Variants in MAP2 observed in about 807,000 individuals in gnomAD.
The protein encoded by MAP2 is microtubule associated protein 2.
MAP2 carries 14 observed loss-of-function variants against 137.6 expected under a neutral mutation model. The observed-to-expected ratio is 0.10, with a 90% CI of 0.07 to 0.16. The LOEUF is 0.16. MAP2 is among the 10% of genes least tolerant of loss of function. The probability of loss-of-function intolerance (pLI) is 1.00; values close to 1 mark genes in which losing one functional copy is unlikely to be tolerated. For missense variants in MAP2, 2,088 were observed against 2,191.5 expected, an observed-to-expected ratio of 0.95 and a Z score of 0.94; for synonymous variants, 786 against 782.3, an observed-to-expected ratio of 1.00 and a Z score of -0.08.
At chr2:209,711,673 A>G (rs1471070245) in intron 13 of MAP2, among the ~76,000 whole-genome samples, 1 of 152,166 alleles carries the variant, frequency 6.6e-6, no homozygotes, top group African/African-American at 2.4e-5. Flanking sequence ...AGAAGGAAAT[A>G]TTTTGAGCTT....
intron 2 of MAP2, among the ~76,000 whole-genome samples, chr2:209,536,231 C>T (rs895000321): frequency 1.3e-5 from 2 of 152,112 alleles, no homozygotes; most frequent in Non-Finnish European, 2.9e-5. Context: ...TTATTTATGA[C>T]ATATGCAAAT....
At chr2:209,448,875 T>G (rs556063142) in intron 1 of MAP2, among the ~76,000 whole-genome samples, 1 of 152,164 alleles carries the variant, frequency 6.6e-6, no homozygotes, top group African/African-American at 2.4e-5. Flanking sequence ...AATTAAAGCA[T>G]GGACATATCT....
chr2:209,466,727 A>G (rs1254929430), intron 1 of MAP2, among the ~76,000 whole-genome samples: 2 of 152,222 alleles, frequency 1.3e-5, no homozygotes, highest in African/African-American at 4.8e-5. Context: ...AAAGATAGGG[A>G]AGGCATTTGT....
intron 4 of MAP2, among the ~76,000 whole-genome samples, chr2:209,648,552 C>A (rs1447455154): frequency 1.4e-5 from 2 of 145,932 alleles, no homozygotes; most frequent in East Asian, 4.0e-4. Flanking sequence ...CTCACATTAT[C>A]AAGCTAGGCT....
intron 4 of MAP2, among the ~76,000 whole-genome samples, chr2:209,651,764 T>C (rs965172810): frequency 1.3e-5 from 2 of 152,170 alleles, no homozygotes; most frequent in African/African-American, 2.4e-5. Context: ...TGCAGTCAAA[T>C]TGGCTTAAAT....
chr2:209,502,116 C>T (rs7590615), intron 1 of MAP2, among the ~76,000 whole-genome samples: 2,557 of 152,178 alleles, frequency 0.017, 70 homozygotes, highest in African/African-American at 0.057. Flanking sequence ...ACACCTGAAA[C>T]CTATTATTTT....
intron 2 of MAP2, among the ~76,000 whole-genome samples, chr2:209,528,856 GTATA>G (rs574399287): frequency 7.2e-6 from 1 of 139,702 alleles, no homozygotes; most frequent in African/African-American, 2.7e-5. Flanking sequence ...ATGTGTGTGT[GTATA>G]TGTGTGTGTA....
In MAP2 at chr2:209,733,458, CTCCACA is replaced by C. The variant is rs2076034185; in HGVS notation, c.*3062_*3067del. On this transcript the variant is annotated 3_prime_UTR_variant, in exon 16 of 16. Coordinates refer to ENST00000682079, the MANE Select transcript of MAP2 (RefSeq NM_001375505.1). Reference sequence around the variant, plus strand: ...AGAATGTACTGATTGTAGTGACCTTCTCCACACACACACACACACACACACACACAC... The same window carrying C: ...AGAATGTACTGATTGTAGTGACCTTCCACACACACACACACACACACACAC... 2.3e-5 allele frequency: 1 copy of C among 43,492 alleles called. No homozygotes were observed. Among genetic ancestry groups the C allele is most frequent in the African/African-American group, 7.5e-5 (1 of 13,274 alleles). The allele number at this position is 43,492 out of a possible 1,614,324, so 2.7% of individuals were successfully genotyped here.
At chr2:209,717,207 G>A (rs1007281396) in intron 13 of MAP2, among the ~76,000 whole-genome samples, 15 of 152,126 alleles carry the variant, frequency 9.9e-5, no homozygotes, top group Admixed American at 5.2e-4. Context: ...TTAACAGGGC[G>A]CATGACTGAG....
intron 3 of MAP2, among the ~76,000 whole-genome samples, chr2:209,594,134 G>GA (rs555177048): frequency 1.1e-3 from 89 of 81,446 alleles, no homozygotes; most frequent in African/African-American, 3.3e-3. Context: ...GGTAACAGAT[G>GA]AAAAAAAAAA....
intron 1 of MAP2, among the ~76,000 whole-genome samples, chr2:209,461,077 T>C (rs1702688496): frequency 6.6e-6 from 1 of 152,108 alleles, no homozygotes; most frequent in African/African-American, 2.4e-5. Flanking sequence ...AGATATAAAC[T>C]TGTTTCACTG....
intron 4 of MAP2, among the ~76,000 whole-genome samples, chr2:209,642,278 G>A (rs1411639251): frequency 2.0e-5 from 3 of 151,654 alleles, no homozygotes; most frequent in African/African-American, 7.3e-5. Context: ...GTGGTGGATG[G>A]GGGGGATTAG....
intron 11 of MAP2, among the ~76,000 whole-genome samples, chr2:209,701,433 T>C (rs764367493): frequency 3.9e-5 from 6 of 151,918 alleles, no homozygotes; most frequent in Admixed American, 3.9e-4. Flanking sequence ...TCCTTTATGA[T>C]TGAAAGAAAA....
chr2:209,559,598 C>T (rs1190450767), intron 2 of MAP2, among the ~76,000 whole-genome samples: 1 of 151,680 alleles, frequency 6.6e-6, no homozygotes, highest in African/African-American at 2.4e-5. Context: ...TTGTAGTGAG[C>T]CAAGATCATG....
chr2:209,618,940 A>G (rs2090347088), intron 3 of MAP2, among the ~76,000 whole-genome samples: 1 of 152,216 alleles, frequency 6.6e-6, no homozygotes, highest in Non-Finnish European at 1.5e-5. Flanking sequence ...ATGAAATATC[A>G]TTCAGCCATA....
intron 1 of MAP2, among the ~76,000 whole-genome samples, chr2:209,474,190 G>A (rs1706566696): frequency 6.6e-6 from 1 of 152,122 alleles, no homozygotes; most frequent in South Asian, 2.1e-4. Context: ...AAGCAATTTT[G>A]GCTACAACTG....
chr2:209,651,095 T>C (rs1206754799), intron 4 of MAP2, among the ~76,000 whole-genome samples: 1 of 152,188 alleles, frequency 6.6e-6, no homozygotes, highest in Non-Finnish European at 1.5e-5. Context: ...TATATGAAGA[T>C]GCCACAACTC....
intron 1 of MAP2, among the ~76,000 whole-genome samples, chr2:209,495,121 G>A (rs906326280): frequency 6.6e-6 from 1 of 152,254 alleles, no homozygotes; most frequent in Non-Finnish European, 1.5e-5. Flanking sequence ...GCTGTAGCCA[G>A]ACTGCCTCTG....
chr2:209,635,205 A>G (rs1243160580), intron 4 of MAP2, among the ~76,000 whole-genome samples: 1 of 152,170 alleles, frequency 6.6e-6, no homozygotes, highest in Admixed American at 6.5e-5. Context: ...GTCTATTGCC[A>G]TTCTTGGTTT....
Sources: gnomAD v4.1 joint callset for allele counts (sites outside exome capture counted in the v4.1 genomes callset) on GRCh38, gnomAD v4.1.1 for gene constraint, MANE v1.5 for transcripts, NCBI Gene and HGNC (gene_info 2026-07-23, HGNC 2026-07-21) for gene names.